PRIMA1: variants seen among roughly 807,000 people sequenced by gnomAD.
PRIMA1 encodes the protein proline rich membrane anchor 1, also known as proline-rich membrane anchor 1.
PRIMA1 carries 7 observed loss-of-function variants against 17.5 expected under a neutral mutation model. The ratio of observed to expected loss-of-function variants is 0.40; its 90% CI spans 0.23 to 0.75. PRIMA1 has a LOEUF of 0.75. Ranked by LOEUF, PRIMA1 falls within the 30% of genes least tolerant of loss-of-function variation. The pLI is 0.37. For missense variants in PRIMA1, 200 were observed against 201.8 expected, an observed-to-expected ratio of 0.99 and a Z score of 0.05; for synonymous variants, 97 against 77.9, an observed-to-expected ratio of 1.25 and a Z score of -1.29.
At chr14:93,745,600 C>T (rs2076212153) in intron 3 of PRIMA1, among the ~76,000 whole-genome samples, 2 of 152,230 alleles carry the variant, frequency 1.3e-5, no homozygotes, top group South Asian at 4.1e-4. Context: ...GCTCAGGCCC[C>T]CACCTGGGCA....
rs529684144 is a variant in PRIMA1 at position 93,734,396 on chromosome 14, C to T, written c.359+2845G>A. 2.0e-5 allele frequency among the ~76,000 whole-genome samples: 3 copies of T among 152,336 alleles called. No homozygotes were observed. In the East Asian group the frequency reaches 5.8e-4, roughly 29 times the overall value. On this transcript the variant is annotated intron_variant, in intron 4 of 4. Transcript: ENST00000393140. Reference sequence around the variant, plus strand: ...CTGCTGGGAGCAATTCTTCCCCCTTCCTGCCTGTTTTGGGGCTGCTTCTCT... The same window carrying T: ...CTGCTGGGAGCAATTCTTCCCCCTTTCTGCCTGTTTTGGGGCTGCTTCTCT...
intron 3 of PRIMA1, among the ~76,000 whole-genome samples, chr14:93,777,919 C>T (rs765272117): frequency 2.6e-5 from 4 of 152,154 alleles, no homozygotes; most frequent in African/African-American, 7.2e-5. Flanking sequence ...TGGGAGACTA[C>T]GTGCCGTGGG....
At chr14:93,780,653 A>G (rs1291308170) in intron 2 of PRIMA1, among the ~76,000 whole-genome samples, 1 of 152,092 alleles carries the variant, frequency 6.6e-6, no homozygotes, top group Non-Finnish European at 1.5e-5. Flanking sequence ...TTAAATCAAA[A>G]TTTTGCAGGT....
intron 2 of PRIMA1, among the ~76,000 whole-genome samples, chr14:93,783,392 AAC>A (rs1885437441): frequency 6.6e-6 from 1 of 152,256 alleles, no homozygotes; most frequent in Admixed American, 6.5e-5. Context: ...CCAGTGGGGA[AAC>A]ACAGGATCTG....
chr14:93,746,096 G>A (rs187856073), intron 3 of PRIMA1, among the ~76,000 whole-genome samples: 60 of 152,196 alleles, frequency 3.9e-4, no homozygotes, highest in Non-Finnish European at 7.8e-4. Context: ...CTAGGAGGTC[G>A]GTTTTCAGGG....
At chr14:93,736,960 C>G (rs1260738549) in intron 4 of PRIMA1, among the ~76,000 whole-genome samples, 2 of 152,180 alleles carry the variant, frequency 1.3e-5, no homozygotes, top group Non-Finnish European at 2.9e-5. Flanking sequence ...ATCAAACTCT[C>G]TAAAGTGACA....
chr14:93,754,425 G>A (rs896769708), intron 3 of PRIMA1, among the ~76,000 whole-genome samples: 3 of 151,006 alleles, frequency 2.0e-5, no homozygotes, highest in Admixed American at 2.0e-4. Context: ...CATTGCCTAG[G>A]GGGGCCATGG....
intron 4 of PRIMA1, among the ~76,000 whole-genome samples, chr14:93,736,091 G>A (rs772139532): frequency 3.9e-5 from 6 of 152,152 alleles, no homozygotes; most frequent in Non-Finnish European, 7.3e-5. Flanking sequence ...AAGCACAGAC[G>A]GACCTCACCA....
At chr14:93,768,343 A>G (rs538786703) in intron 3 of PRIMA1, among the ~76,000 whole-genome samples, 1 of 152,190 alleles carries the variant, frequency 6.6e-6, no homozygotes, top group South Asian at 2.1e-4. Flanking sequence ...CAACTCCCCC[A>G]GTCTTTTGGG....
chr14:93,754,056 G>A lies in PRIMA1; in HGVS notation c.230-16686C>T, dbSNP rs960376413. Among the ~76,000 whole-genome samples the A allele has an allele frequency of 2.6e-5, 4 of 152,176 alleles. 1 individual carries two copies. In the South Asian group the frequency reaches 8.3e-4, roughly 32 times the overall value. Reference sequence around the variant, plus strand: ...TGCTGGCAAATGAGCAAATGCTTAAGGTTTCAGAAAATTTTATGGAGGAAA... The same window carrying A: ...TGCTGGCAAATGAGCAAATGCTTAAAGTTTCAGAAAATTTTATGGAGGAAA... On this transcript the variant is annotated intron_variant, in intron 3 of 4. Coordinates refer to ENST00000393140, the MANE Select transcript of PRIMA1 (RefSeq NM_178013.4).
chr14:93,767,339 G>A (rs993116876), intron 3 of PRIMA1, among the ~76,000 whole-genome samples: 2 of 152,192 alleles, frequency 1.3e-5, no homozygotes, highest in Admixed American at 6.5e-5. Context: ...AAGTTAGGAG[G>A]CTTTCCCAAG....
chr14:93,747,864 TGA>T (rs1228302154), intron 3 of PRIMA1, among the ~76,000 whole-genome samples: 1 of 148,392 alleles, frequency 6.7e-6, no homozygotes, highest in East Asian at 2.0e-4. Context: ...TGAGTGTGTG[TGA>T]GTGGGGACTG....
At chr14:93,741,134 G>C (rs2076181981) in intron 3 of PRIMA1, among the ~76,000 whole-genome samples, 1 of 152,220 alleles carries the variant, frequency 6.6e-6, no homozygotes, top group Non-Finnish European at 1.5e-5. Context: ...GTGAAACCTA[G>C]TGAAGGCATA....
chr14:93,724,342 C>T (rs1315408061), intron 4 of PRIMA1, among the ~76,000 whole-genome samples: 1 of 152,206 alleles, frequency 6.6e-6, no homozygotes, highest in African/African-American at 2.4e-5. Context: ...TATGTAGACG[C>T]TAACAGATAC....
intron 3 of PRIMA1, among the ~76,000 whole-genome samples, chr14:93,769,197 CT>C: frequency 6.6e-6 from 1 of 152,298 alleles, no homozygotes; most frequent in East Asian, 1.9e-4. Context: ...TGGATAAGAA[CT>C]TTACTCAAGC....
At chr14:93,723,210 C>T (rs957629590) in intron 4 of PRIMA1, among the ~76,000 whole-genome samples, 33 of 152,282 alleles carry the variant, frequency 2.2e-4, no homozygotes, top group African/African-American at 7.9e-4. Flanking sequence ...GTAGCCCAGC[C>T]CCCTCCAGGG....
chr14:93,775,844 G>A (rs1026488182), intron 3 of PRIMA1, among the ~76,000 whole-genome samples: 1 of 152,068 alleles, frequency 6.6e-6, no homozygotes, highest in African/African-American at 2.4e-5. Context: ...TTTTCCTTTG[G>A]GAAACCACCT....
intron 2 of PRIMA1, among the ~76,000 whole-genome samples, chr14:93,781,008 C>CG (rs1885361718): frequency 6.6e-6 from 1 of 152,210 alleles, no homozygotes; most frequent in African/African-American, 2.4e-5. Context: ...GAGAGCCCCC[C>CG]GGGGCTGGGA....
intron 3 of PRIMA1, 62 bp downstream of exon 3, chr14:93,779,114 G>T (rs1459595843): frequency 1.0e-5 from 13 of 1,274,770 alleles, no homozygotes; most frequent in Non-Finnish European, 1.0e-6. Context: ...ACACTCAGTG[G>T]ATCTTCGTGG....
Sources: allele counts gnomAD v4.1 joint callset (sites outside exome capture counted in the v4.1 genomes callset), GRCh38; gene constraint gnomAD v4.1.1; transcripts MANE v1.5; gene names NCBI Gene and HGNC (gene_info 2026-07-23, HGNC 2026-07-21).